Variants in DOK6 observed in about 807,000 individuals in gnomAD.
DOK6 encodes the protein downstream of tyrosine kinase 6.
DOK6 carries 22 observed loss-of-function variants against 44.0 expected under a neutral mutation model. The ratio of observed to expected loss-of-function variants is 0.50; its 90% CI spans 0.36 to 0.71. The LOEUF is 0.71. Ranked by LOEUF, DOK6 falls within the 30% of genes least tolerant of loss-of-function variation. The pLI is 0.00. For missense variants in DOK6, 340 were observed against 416.4 expected (o/e 0.82, Z 1.60); for synonymous variants, 166 against 145.5 (o/e 1.14, Z -1.01).
intron 1 of DOK6, among the ~76,000 whole-genome samples, chr18:69,549,074 T>C (rs1336950519): frequency 1.4e-5 from 2 of 140,542 alleles, no homozygotes; most frequent in Non-Finnish European, 3.1e-5. Context: ...TCAGCCTGGG[T>C]GAAAGAGTGA....
chr18:69,587,249 G>C (rs996720039), intron 2 of DOK6, among the ~76,000 whole-genome samples: 8 of 152,038 alleles, frequency 5.3e-5, no homozygotes, highest in East Asian at 1.9e-4. Context: ...TGTCTGCGGG[G>C]CCACACTCTC....
intron 1 of DOK6, among the ~76,000 whole-genome samples, chr18:69,520,355 CT>C (rs1342395279): frequency 6.6e-6 from 1 of 151,732 alleles, no homozygotes; most frequent in Admixed American, 6.6e-5. Flanking sequence ...CTATTATCCT[CT>C]TTGTGTGATA....
At chr18:69,709,169 C>T (rs536563235) in intron 5 of DOK6, among the ~76,000 whole-genome samples, 1 of 152,220 alleles carries the variant, frequency 6.6e-6, no homozygotes, top group East Asian at 1.9e-4. Context: ...GAACATCCAT[C>T]GTATGACTCT....
intron 1 of DOK6, among the ~76,000 whole-genome samples, chr18:69,494,442 C>T (rs548907648): frequency 5.9e-5 from 9 of 152,030 alleles, no homozygotes; most frequent in African/African-American, 2.2e-4. Flanking sequence ...AGCCACTACA[C>T]TCCAGCCTGG....
chr18:69,514,467 T>C lies in DOK6; in HGVS notation c.67-50020T>C, dbSNP rs190432581. Among the ~76,000 whole-genome samples the C allele has an allele frequency of 3.7e-4, 57 of 152,278 alleles. No homozygotes were observed. The Middle Eastern group carries it at 0.01, about 27-fold the overall frequency. On this transcript the variant is annotated intron_variant, in intron 1 of 7. Coordinates refer to ENST00000382713, the MANE Select transcript of DOK6 (RefSeq NM_152721.6). ...TAGGATATTGTGTTGTAAAATATTG[T>C]TTAAAAGTCAAACTAGTTGAATGAA...
intron 2 of DOK6, among the ~76,000 whole-genome samples, chr18:69,569,649 T>A (rs181224890): frequency 0.01 from 1,558 of 152,306 alleles, 31 homozygotes; most frequent in African/African-American, 0.035. Flanking sequence ...ATGAAGTGAA[T>A]GAAAATATCC....
At chr18:69,667,817 T>C (rs536630998) in intron 3 of DOK6, among the ~76,000 whole-genome samples, 1 of 152,310 alleles carries the variant, frequency 6.6e-6, no homozygotes, top group East Asian at 1.9e-4. Flanking sequence ...CTCAGACTTC[T>C]TGGTGATCTC....
intron 4 of DOK6, among the ~76,000 whole-genome samples, chr18:69,688,623 A>G (rs1986201872): frequency 1.3e-5 from 2 of 152,152 alleles, no homozygotes; most frequent in African/African-American, 2.4e-5. Context: ...CCTGGGTTCA[A>G]GTGATTCTCT....
chr18:69,748,952 A>C (rs1183525949), intron 6 of DOK6, among the ~76,000 whole-genome samples: 1 of 152,252 alleles, frequency 6.6e-6, no homozygotes, highest in African/African-American at 2.4e-5. Context: ...TGGTATATAC[A>C]TACCATGAAA....
intron 6 of DOK6, among the ~76,000 whole-genome samples, chr18:69,743,030 C>T (rs1338615997): frequency 6.6e-6 from 1 of 152,146 alleles, no homozygotes; most frequent in Non-Finnish European, 1.5e-5. Flanking sequence ...TCATTCCTGC[C>T]TCCAAGTGAG....
chr18:69,436,705 T>A (rs1267396256), intron 1 of DOK6, among the ~76,000 whole-genome samples: 2 of 152,220 alleles, frequency 1.3e-5, no homozygotes, highest in African/African-American at 4.8e-5. Flanking sequence ...AAATGGTATT[T>A]CTGGTTCTAG....
chr18:69,723,258 G>A lies in DOK6; in HGVS notation c.600-15707G>A, dbSNP rs139759857. Among the ~76,000 whole-genome samples the A allele has an allele frequency of 8.0e-4, 122 of 152,304 alleles. No individual in the cohort carries two copies. In the East Asian group the frequency reaches 0.022, roughly 27 times the overall value. ...AATTCAAGAAGGCAACATTACTGGA[G>A]CTATATAATCAACACCTTCCACTGC... On this transcript the variant is annotated intron_variant, in intron 5 of 7. Transcript: ENST00000382713.
At chr18:69,814,532 A>C (rs1981339596) in intron 7 of DOK6, among the ~76,000 whole-genome samples, 1 of 152,144 alleles carries the variant, frequency 6.6e-6, no homozygotes, top group Non-Finnish European at 1.5e-5. Context: ...CCATTCTCAC[A>C]CTGCTATAAA....
chr18:69,726,859 A>G (rs1978311113), intron 5 of DOK6, among the ~76,000 whole-genome samples: 1 of 151,308 alleles, frequency 6.6e-6, no homozygotes, highest in Admixed American at 6.6e-5. Flanking sequence ...TTTTAAAAAA[A>G]AAAAAAAAAA....
At chr18:69,648,140 C>G (rs928501413) in intron 3 of DOK6, among the ~76,000 whole-genome samples, 1 of 152,088 alleles carries the variant, frequency 6.6e-6, no homozygotes, top group Non-Finnish European at 1.5e-5. Context: ...CGTTACACAT[C>G]CAGAAAATGA....
chr18:69,599,482 A>G lies in DOK6; in HGVS notation c.273A>G (p.Thr91=), dbSNP rs148128250. 6.8e-6 allele frequency: 11 copies of G among 1,613,756 alleles called. No individual in the cohort carries two copies. The highest frequency in any genetic ancestry group is 9.3e-6 in the Non-Finnish European group (11 of 1,179,906). Residue 91 remains threonine, a synonymous_variant, in exon 3 of 8, where the codon ACA becomes ACG. Coordinates refer to ENST00000382713, the MANE Select transcript of DOK6 (RefSeq NM_152721.6). The part of the protein sequence containing the change: ...AIIFHDETSK[T]FACESELEAE... The stretch of plus-strand genomic sequence containing the variant: ...TCTTTCACGATGAAACATCGAAGAC[A>G]TTTGCCTGTGAGTCAGGTAAGCTAT...
At chr18:69,432,598 C>T (rs1978839281) in intron 1 of DOK6, among the ~76,000 whole-genome samples, 1 of 152,084 alleles carries the variant, frequency 6.6e-6, no homozygotes, top group Admixed American at 6.5e-5. Flanking sequence ...ATGCATATTT[C>T]TGTATTTCAA....
chr18:69,572,908 A>T (rs561776686), intron 2 of DOK6, among the ~76,000 whole-genome samples: 9 of 152,102 alleles, frequency 5.9e-5, no homozygotes, highest in South Asian at 4.2e-4. Context: ...TAAGAGAATG[A>T]TAGATGAGAA....
chr18:69,512,332 C>CTTTTTTTTTTTTTTTTT (rs548031851), intron 1 of DOK6, among the ~76,000 whole-genome samples: 2 of 91,690 alleles, frequency 2.2e-5, no homozygotes, highest in African/African-American at 9.4e-5. Context: ...CTTTCTTCTT[C>CTTTTTTTTTTTTTTTTT]TTTTTTTTTT....
Sources: gnomAD v4.1 joint callset for allele counts (sites outside exome capture counted in the v4.1 genomes callset) on GRCh38, gnomAD v4.1.1 for gene constraint, MANE v1.5 for transcripts, NCBI Gene and HGNC (gene_info 2026-07-23, HGNC 2026-07-21) for gene names.